Variants in SGSM2 observed in about 807,000 individuals in gnomAD.
SGSM2 encodes RUN and TBC1 domain containing 1.
SGSM2 carries 89 observed loss-of-function variants against 126.6 expected under a neutral mutation model. That is an observed-to-expected ratio of 0.70 (90% CI 0.59 to 0.84). SGSM2 has a LOEUF of 0.84. Among genes scored for constraint, SGSM2 ranks in the 40% least tolerant of loss-of-function variants. The pLI is 0.00. For synonymous variants in SGSM2, 614 were observed against 574.3 expected (o/e 1.07, Z -0.99); for missense variants, 1,404 against 1,416.6 (o/e 0.99, Z 0.14).
chr17:2,354,283 C>T (rs2064999278), intron 2 of SGSM2, among the ~76,000 whole-genome samples: 2 of 152,000 alleles, frequency 1.3e-5, no homozygotes, highest in South Asian at 4.1e-4. Flanking sequence ...CTCCTGACCT[C>T]GTGACCCACC....
At position 2,376,944 on chromosome 17, in the gene SGSM2, C is replaced by G; in HGVS notation, c.2693-15C>G. ...CGTCTCCTGCCCTGCCAGCTTCACT[C>G]CTGTCTCCCCTCAGATCAGCTGGCC... On this transcript the variant is annotated splice_polypyrimidine_tract_variant and intron_variant, in intron 20 of 23. Transcript: ENST00000268989. 6.2e-7 allele frequency: 1 copy of G among 1,609,446 alleles called. No individual in the cohort carries two copies. The highest frequency in any genetic ancestry group is 8.5e-7 in the Non-Finnish European group (1 of 1,176,460).
chr17:2,342,744 G>T (rs746486389), intron 1 of SGSM2, among the ~76,000 whole-genome samples: 2 of 151,928 alleles, frequency 1.3e-5, no homozygotes, highest in African/African-American at 4.8e-5. Flanking sequence ...TTGGGAGGCC[G>T]GGCGGGTGGA....
intron 12 of SGSM2, among the ~76,000 whole-genome samples, chr17:2,370,460 T>C (rs1322689596): frequency 6.6e-6 from 1 of 152,264 alleles, no homozygotes; most frequent in Non-Finnish European, 1.5e-5. Context: ...AGGCTGCAAC[T>C]GGGCCTGTTC....
chr17:2,376,333 G>A (rs922209571), intron 19 of SGSM2, 72 bp downstream of exon 19: 32 of 1,571,016 alleles, frequency 2.0e-5, no homozygotes, highest in Non-Finnish European at 2.4e-5. Flanking sequence ...GATGAGGTCC[G>A]GAAGGTGCCC....
At chr17:2,373,588 C>A in intron 17 of SGSM2, 75 bp downstream of exon 17, 1 of 1,353,740 alleles carries the variant, frequency 7.4e-7, no homozygotes, top group African/African-American at 1.5e-5. Flanking sequence ...TCCTGAGCAC[C>A]AGCCTGACCT....
intron 8 of SGSM2, 186 bp downstream of exon 8, chr17:2,364,369 G>T: frequency 1.1e-6 from 1 of 883,688 alleles, no homozygotes; most frequent in South Asian, 1.6e-5. Flanking sequence ...AAGCCTGGCC[G>T]TGAAGAGGTT....
At chr17:2,376,680 C>T (rs2066174213) in intron 19 of SGSM2, 53 bp from the exon 20 acceptor site, 8 of 1,590,980 alleles carry the variant, frequency 5.0e-6, no homozygotes, top group African/African-American at 1.3e-5. Flanking sequence ...CCAGGGATCC[C>T]GAGGGAGGGA....
intron 2 of SGSM2, among the ~76,000 whole-genome samples, chr17:2,354,877 G>A (rs1315879140): frequency 3.6e-5 from 5 of 138,872 alleles, no homozygotes; most frequent in African/African-American, 9.2e-5. Context: ...TGGTGGAATC[G>A]GGGTGTAAGC....
At chr17:2,341,957 G>A (rs552925010) in intron 1 of SGSM2, among the ~76,000 whole-genome samples, 24 of 152,272 alleles carry the variant, frequency 1.6e-4, no homozygotes, top group African/African-American at 4.8e-4. Context: ...GTGTTTGTAC[G>A]TTCACACCAC....
chr17:2,352,997 T>C (rs1333502833), intron 2 of SGSM2, among the ~76,000 whole-genome samples: 3 of 151,750 alleles, frequency 2.0e-5, no homozygotes, highest in Non-Finnish European at 4.4e-5. Context: ...CAGGATGGTC[T>C]GGATCTCCTG....
At chr17:2,339,262 CT>C (rs2064237391) in intron 1 of SGSM2, among the ~76,000 whole-genome samples, 1 of 150,390 alleles carries the variant, frequency 6.6e-6, no homozygotes, top group African/African-American at 2.5e-5. Context: ...CCCATCTCTA[CT>C]GAAAAAAACA....
chr17:2,358,876 T>TTTG (rs1227035809), intron 2 of SGSM2, among the ~76,000 whole-genome samples: 2,463 of 87,740 alleles, frequency 0.028, 116 homozygotes, highest in African/African-American at 0.11. Flanking sequence ...TGTTGTTGTT[T>TTTG]TTTTTTTTTT....
chr17:2,353,915 T>A (rs1361543848), intron 2 of SGSM2, among the ~76,000 whole-genome samples: 2 of 152,194 alleles, frequency 1.3e-5, no homozygotes, highest in African/African-American at 4.8e-5. Context: ...TTTGTTTGTT[T>A]GGTTGTTTTT....
At chr17:2,346,689 G>A (rs563199628) in intron 2 of SGSM2, among the ~76,000 whole-genome samples, 3 of 152,130 alleles carry the variant, frequency 2.0e-5, no homozygotes, top group East Asian at 1.9e-4. Context: ...GCAGCAGGGG[G>A]GTGGGTGGGG....
At chr17:2,377,663 G>A (rs2066238560) in intron 21 of SGSM2, 194 bp from the exon 22 acceptor site, 1 of 483,010 alleles carries the variant, frequency 2.1e-6, no homozygotes, top group South Asian at 2.5e-5. Flanking sequence ...TGATGGGAGG[G>A]GCAGCAGGAG....
chr17:2,343,408 C>T (rs2064462953), intron 1 of SGSM2, 137 bp from the exon 2 acceptor site: 1 of 793,854 alleles, frequency 1.3e-6, no homozygotes, highest in South Asian at 1.6e-5. Flanking sequence ...CTTCCCCACA[C>T]CTTTCATCCC....
At position 2,372,647 on chromosome 17, in the gene SGSM2, G is replaced by A; in HGVS notation, c.1788+159G>A. The A allele has an allele frequency of 4.7e-6, 5 of 1,070,170 alleles. No individual in the cohort carries two copies. The highest frequency in any genetic ancestry group is 6.8e-6 in the Non-Finnish European group (5 of 735,884). 66.3% of individuals were successfully genotyped at this position (1,070,170 alleles called of 1,614,324 possible). On this transcript the variant is annotated intron_variant, in intron 15 of 23. Coordinates refer to ENST00000268989, the MANE Select transcript of SGSM2 (RefSeq NM_014853.3). This position sits in a 1 kb window ranked among gnomAD's most constrained non-coding sequence, Gnocchi z 6.0. Reference sequence around the variant, plus strand: ...CAGAATCTCTTGCAGCTGGGCCTGGGGCTGACACGGGAAGGGGGCTGGACT... The same window carrying A: ...CAGAATCTCTTGCAGCTGGGCCTGGAGCTGACACGGGAAGGGGGCTGGACT...
intron 8 of SGSM2, 143 bp downstream of exon 8, chr17:2,364,326 TG>T: frequency 8.9e-7 from 1 of 1,125,720 alleles, no homozygotes; most frequent in South Asian, 1.5e-5. Flanking sequence ...AGCGGCTGCC[TG>T]GAGTGATTCC....
chr17:2,339,709 A>G (rs2064264239), intron 1 of SGSM2, among the ~76,000 whole-genome samples: 2 of 146,716 alleles, frequency 1.4e-5, no homozygotes, highest in Non-Finnish European at 3.0e-5. Context: ...CTCCATCTCA[A>G]AAAAAAAAAA....
Sources: gnomAD v4.1 joint callset for allele counts (sites outside exome capture counted in the v4.1 genomes callset) on GRCh38, gnomAD v4.1.1 for gene constraint, Gnocchi (gnomAD v3.1) non-coding constraint, MANE v1.5 for transcripts, NCBI Gene and HGNC (gene_info 2026-07-23, HGNC 2026-07-21) for gene names.